TENM3: variants seen among roughly 807,000 people sequenced by gnomAD.
TENM3 encodes teneurin-3.
A neutral mutation model predicts 255.1 loss-of-function variants in TENM3; 63 were observed. The ratio of observed to expected loss-of-function variants is 0.25; its 90% CI spans 0.20 to 0.30. The LOEUF (loss-of-function observed/expected upper bound fraction) is 0.30, where lower values mean the gene tolerates loss of function less well. Among genes scored for constraint, TENM3 ranks in the 10% least tolerant of loss-of-function variants. The pLI, the probability that TENM3 is intolerant of heterozygous loss-of-function variation, is 1.00. For synonymous variants in TENM3, 1,306 were observed against 1,322.3 expected (o/e 0.99, Z 0.27); for missense variants, 2,929 against 3,461.1 (o/e 0.85, Z 3.86).
the TENM3 span, among the ~76,000 whole-genome samples, chr4:181,509,041 A>C: frequency 6.6e-6 from 1 of 151,776 alleles, no homozygotes; most frequent in East Asian, 1.9e-4. Flanking sequence ...CTAACATGAA[A>C]GAATGATGAA....
At chr4:182,278,963 C>A (rs915260303) in intron 1 of TENM3, among the ~76,000 whole-genome samples, 6 of 152,214 alleles carry the variant, frequency 3.9e-5, no homozygotes, top group African/African-American at 1.4e-4. Flanking sequence ...GGCTGCCAAG[C>A]TCTGGAGGCT....
At chr4:182,451,411 A>G (rs1580593346) in intron 3 of TENM3, among the ~76,000 whole-genome samples, 1 of 152,022 alleles carries the variant, frequency 6.6e-6, no homozygotes, top group African/African-American at 2.4e-5. Flanking sequence ...TGTGGCTTCT[A>G]TTTACTGTTA....
At chr4:182,340,346 G>A (rs769298093) in intron 2 of TENM3, among the ~76,000 whole-genome samples, 1 of 152,174 alleles carries the variant, frequency 6.6e-6, no homozygotes, top group Non-Finnish European at 1.5e-5. Context: ...TAGATTATGA[G>A]TATGGTGTCC....
chr4:182,584,280 T>C (rs1319561725), intron 3 of TENM3, among the ~76,000 whole-genome samples: 1 of 152,230 alleles, frequency 6.6e-6, no homozygotes, highest in Non-Finnish European at 1.5e-5. Flanking sequence ...ATGGGAACTA[T>C]GACAACATGA....
At chr4:181,838,804 A>C in the TENM3 span, among the ~76,000 whole-genome samples, 1 of 151,544 alleles carries the variant, frequency 6.6e-6, no homozygotes, top group Admixed American at 6.6e-5. Context: ...GAGTTTGGCA[A>C]TTTCATTAGG....
At chr4:182,471,075 T>A (rs1733078045) in intron 3 of TENM3, among the ~76,000 whole-genome samples, 1 of 152,214 alleles carries the variant, frequency 6.6e-6, no homozygotes, top group South Asian at 2.1e-4. Flanking sequence ...CTTGTGGAAA[T>A]TTTAATGAGC....
intron 19 of TENM3, among the ~76,000 whole-genome samples, chr4:182,751,539 A>G (rs913354391): frequency 1.6e-4 from 25 of 152,192 alleles, no homozygotes; most frequent in African/African-American, 5.6e-4. Flanking sequence ...TTTAAAGGTA[A>G]TATTTTTTAA....
chr4:182,692,554 C>G (rs1757085798), intron 12 of TENM3, among the ~76,000 whole-genome samples: 1 of 152,182 alleles, frequency 6.6e-6, no homozygotes. Flanking sequence ...GAAAAGAAGA[C>G]TCAGCTCTCT....
intron 12 of TENM3, among the ~76,000 whole-genome samples, chr4:182,706,652 A>G (rs2152656550): frequency 6.6e-6 from 1 of 152,312 alleles, no homozygotes; most frequent in Admixed American, 6.5e-5. Context: ...ATCTGCTTTA[A>G]TATAAAGCAG....
chr4:181,609,826 G>C, the TENM3 span, among the ~76,000 whole-genome samples: 1 of 152,108 alleles, frequency 6.6e-6, no homozygotes, highest in Non-Finnish European at 1.5e-5. Flanking sequence ...AATGTATGAG[G>C]CGCTGCAATA....
At chr4:182,634,308 C>A (rs1289626259) in intron 5 of TENM3, among the ~76,000 whole-genome samples, 1 of 151,546 alleles carries the variant, frequency 6.6e-6, no homozygotes, top group African/African-American at 2.4e-5. Flanking sequence ...CAAGTCTAGA[C>A]AACCTGTTAG....
intron 12 of TENM3, among the ~76,000 whole-genome samples, chr4:182,705,705 A>C (rs1758226961): frequency 6.6e-6 from 1 of 152,202 alleles, no homozygotes; most frequent in Non-Finnish European, 1.5e-5. Context: ...CCGGACAGGA[A>C]CATATACTCC....
intron 3 of TENM3, among the ~76,000 whole-genome samples, chr4:182,481,620 C>A (rs1580701062): frequency 1.3e-5 from 1 of 78,942 alleles, no homozygotes; most frequent in Non-Finnish European, 3.4e-5. Flanking sequence ...CACGGTGAAA[C>A]CCCGTCTCTA....
the TENM3 span, among the ~76,000 whole-genome samples, chr4:181,585,171 ATTACT>A: frequency 1.2e-3 from 180 of 152,216 alleles, no homozygotes; most frequent in African/African-American, 3.9e-3. Context: ...TAAAAAAAAA[ATTACT>A]TTAGGAGCCA....
intron 12 of TENM3, among the ~76,000 whole-genome samples, chr4:182,708,238 T>TAA (rs1758443131): frequency 6.6e-6 from 1 of 152,154 alleles, no homozygotes; most frequent in African/African-American, 2.4e-5. Flanking sequence ...AGGAAGCCTT[T>TAA]ATTATTACCT....
At chr4:181,730,764 G>T in the TENM3 span, among the ~76,000 whole-genome samples, 1 of 152,074 alleles carries the variant, frequency 6.6e-6, no homozygotes, top group African/African-American at 2.4e-5. Context: ...CATTTTTAAC[G>T]AGTTTCTAGT....
the TENM3 span, among the ~76,000 whole-genome samples, chr4:181,781,979 A>G: frequency 6.6e-6 from 1 of 152,162 alleles, no homozygotes; most frequent in Non-Finnish European, 1.5e-5. Context: ...CCACTTGATC[A>G]TGGTGGATAA....
chr4:181,586,042 G>A, the TENM3 span, among the ~76,000 whole-genome samples: 3 of 152,128 alleles, frequency 2.0e-5, no homozygotes, highest in African/African-American at 7.2e-5. Context: ...AGGGTTCAGA[G>A]GTAGAACTTA....
intron 12 of TENM3, chr4:182,711,530 T>G: frequency 1.1e-6 from 1 of 945,646 alleles, no homozygotes; most frequent in Non-Finnish European, 1.3e-6. Flanking sequence ...CATGTGACAC[T>G]TCTGAAATGT....
Sources: allele counts gnomAD v4.1 joint callset (sites outside exome capture counted in the v4.1 genomes callset), GRCh38; gene constraint gnomAD v4.1.1; transcripts MANE v1.5; gene names NCBI Gene and HGNC (gene_info 2026-07-23, HGNC 2026-07-21).